The following SLC13A3 variants were observed in gnomAD, a reference collection of about 807,000 sequenced individuals.
SLC13A3 encodes the protein Na(+)/dicarboxylate cotransporter 3.
A neutral mutation model predicts 59.0 loss-of-function variants in SLC13A3; 40 were observed. The observed-to-expected ratio is 0.68, with a 90% confidence interval of 0.53 to 0.88. The LOEUF is 0.88. Among genes scored for constraint, SLC13A3 ranks in the 40% least tolerant of loss-of-function variants. The pLI, the probability that SLC13A3 is intolerant of heterozygous loss-of-function variation, is 0.00. For missense variants in SLC13A3, 699 were observed against 783.2 expected, an observed-to-expected ratio of 0.89 and a Z score of 1.28; for synonymous variants, 317 against 330.3, an observed-to-expected ratio of 0.96 and a Z score of 0.44.
intron 1 of SLC13A3, among the ~76,000 whole-genome samples, chr20:46,615,385 G>T (rs912976029): frequency 6.6e-6 from 1 of 152,098 alleles, no homozygotes; most frequent in Non-Finnish European, 1.5e-5. Context: ...CAGGTATCAG[G>T]TTACGTGGGG....
At chr20:46,632,968 T>TATCC (rs2062759950) in intron 1 of SLC13A3, among the ~76,000 whole-genome samples, 3 of 152,106 alleles carry the variant, frequency 2.0e-5, no homozygotes, top group African/African-American at 7.2e-5. Flanking sequence ...TCTATCTATC[T>TATCC]GTTTATGTAT....
intron 1 of SLC13A3, among the ~76,000 whole-genome samples, chr20:46,663,695 C>G (rs975569935): frequency 6.6e-6 from 1 of 152,040 alleles, no homozygotes; most frequent in Non-Finnish European, 1.5e-5. Context: ...CTATTATATT[C>G]CCATTTTGCA....
At chr20:46,632,202 G>A (rs369193418) in intron 1 of SLC13A3, among the ~76,000 whole-genome samples, 1 of 152,160 alleles carries the variant, frequency 6.6e-6, no homozygotes, top group African/African-American at 2.4e-5. Flanking sequence ...CCAGGGCTGG[G>A]GCTATGAAGT....
chr20:46,557,834 A>G lies in SLC13A3; in HGVS notation c.*2188T>C, dbSNP rs1482150592. On this transcript the variant is annotated 3_prime_UTR_variant, in exon 13 of 13. Transcript: ENST00000279027. ...TGAACCAGAACATGACAGGTTCCCA[A>G]TAAATGTTTATTGAATGAATAAATG... 1 of 152,200 alleles carries G rather than the reference A, an allele frequency of 6.6e-6. No individual in the cohort carries two copies. Among genetic ancestry groups the G allele is most frequent in the African/African-American group, 2.4e-5 (1 of 41,444 alleles). The allele number at this position is 152,200 out of a possible 1,614,324, so 9.4% of individuals were successfully genotyped here.
chr20:46,617,019 G>A (rs1277202039), intron 1 of SLC13A3, among the ~76,000 whole-genome samples: 9 of 152,160 alleles, frequency 5.9e-5, no homozygotes, highest in East Asian at 3.9e-4. Context: ...TTATGTAACC[G>A]GTTACCACCT....
intron 1 of SLC13A3, among the ~76,000 whole-genome samples, chr20:46,650,048 G>A (rs1300994982): frequency 6.6e-6 from 1 of 152,156 alleles, no homozygotes; most frequent in Non-Finnish European, 1.5e-5. Context: ...AGATGGTGAA[G>A]CAACTTCCTG....
intron 6 of SLC13A3, among the ~76,000 whole-genome samples, chr20:46,590,414 A>G (rs2062241743): frequency 6.6e-6 from 1 of 152,208 alleles, no homozygotes; most frequent in African/African-American, 2.4e-5. Flanking sequence ...TGTAGCTTCT[A>G]TTGTAGAATA....
At position 46,580,789 on chromosome 20, in the gene SLC13A3, A is replaced by G. The variant is rs6124819; in HGVS notation, c.1219+2783T>C. Among the ~76,000 whole-genome samples, 3,279 of 152,204 alleles carry G rather than the reference A, an allele frequency of 0.022. 234 individuals are homozygous for G. The East Asian group carries it at 0.25, about 11-fold the overall frequency. ...AACCAGACCAAATTGAGGACCAGCT[A>G]AAACAGGTCCTGGGCGGAAGCAGCT... On this transcript the variant is annotated intron_variant, in intron 9 of 12. Coordinates refer to ENST00000279027, the MANE Select transcript of SLC13A3 (RefSeq NM_022829.6).
upstream of SLC13A3, chr20:46,651,470 GCCCCGGCGCCGGCTTAAA>G: frequency 4.4e-6 from 6 of 1,369,116 alleles, no homozygotes; most frequent in Non-Finnish European, 5.6e-6. Context: ...GCCCCGCCTG[GCCCCGGCGCCGGCTTAAA>G]GCCTGGGGGA....
chr20:46,645,469 T>C (rs1204449779), intron 1 of SLC13A3, among the ~76,000 whole-genome samples: 1 of 152,144 alleles, frequency 6.6e-6, no homozygotes, highest in African/African-American at 2.4e-5. Flanking sequence ...GATGAGGAAA[T>C]TGAGGAGCTG....
At chr20:46,611,516 C>T (rs1038719729) in intron 2 of SLC13A3, among the ~76,000 whole-genome samples, 13 of 152,130 alleles carry the variant, frequency 8.5e-5, no homozygotes, top group Admixed American at 2.0e-4. Flanking sequence ...CAGGAGGAGG[C>T]GCAGCTACAG....
chr20:46,592,672 C>T, intron 5 of SLC13A3, 143 bp from the exon 6 acceptor site: 1 of 827,304 alleles, frequency 1.2e-6, no homozygotes. Flanking sequence ...TGTTTTCCAC[C>T]AATTCTAATA....
At chr20:46,610,167 T>G (rs1188386179) in intron 3 of SLC13A3, among the ~76,000 whole-genome samples, 1 of 152,246 alleles carries the variant, frequency 6.6e-6, no homozygotes, top group Non-Finnish European at 1.5e-5. Context: ...TAGTACTTAC[T>G]TCATAGAGCT....
At chr20:46,620,077 T>C (rs4810535) in intron 1 of SLC13A3, among the ~76,000 whole-genome samples, 53,105 of 152,136 alleles carry the variant, frequency 0.35, 9,352 homozygotes, top group South Asian at 0.42. Context: ...ACTTAATGTG[T>C]GTGCTTTCAT....
chr20:46,592,484 A>T lies in SLC13A3; in HGVS notation c.840T>A (p.Ile280=), dbSNP rs2122681728. Residue 280 remains isoleucine, a synonymous_variant, in exon 6 of 13, where the codon ATT becomes ATA. Transcript: ENST00000279027. Reference sequence around the variant, plus strand: ...ACAACAGCATAAGAGGGAAGGCGAAAATGAACCAGGAGCCGAAATTCACCA... The same window carrying T: ...ACAACAGCATAAGAGGGAAGGCGAATATGAACCAGGAGCCGAAATTCACCA... ...CDVVNFGSWF[I]FAFPLMLLFL... is the part of the protein sequence containing the mutation. 1 of 1,613,966 alleles carries T rather than the reference A, an allele frequency of 6.2e-7. No individual in the cohort carries two copies. Among genetic ancestry groups the T allele is most frequent in the East Asian group, 2.2e-5 (1 of 44,872 alleles).
At chr20:46,636,391 A>G (rs545686268) in intron 1 of SLC13A3, among the ~76,000 whole-genome samples, 50 of 152,312 alleles carry the variant, frequency 3.3e-4, no homozygotes, top group African/African-American at 1.2e-3. Flanking sequence ...AAGGTACTCA[A>G]TTGAAATTTT....
At chr20:46,646,494 C>T (rs2062895846) in intron 1 of SLC13A3, among the ~76,000 whole-genome samples, 1 of 152,162 alleles carries the variant, frequency 6.6e-6, no homozygotes, top group African/African-American at 2.4e-5. Context: ...CTCTGGACAC[C>T]TCCTGTATCT....
intron 1 of SLC13A3, among the ~76,000 whole-genome samples, chr20:46,631,476 C>G (rs537708891): frequency 1.3e-5 from 2 of 152,238 alleles, no homozygotes; most frequent in South Asian, 4.1e-4. Flanking sequence ...CCATTGTGCC[C>G]TGGGCTTTAT....
In SLC13A3 at chr20:46,610,515, T is replaced by A; in HGVS notation, c.472A>T (p.Ile158Phe). 1 of 1,614,140 alleles carries A rather than the reference T, an allele frequency of 6.2e-7. No homozygotes were observed. Among genetic ancestry groups the A allele is most frequent in the Non-Finnish European group, 8.5e-7 (1 of 1,180,024 alleles). Reference sequence around the variant, plus strand: ...TTCTGGCCAAAGAGACTTTTCAGGATGGCATTGGCAATGGGAAGCATCATG... The same window carrying A: ...TTCTGGCCAAAGAGACTTTTCAGGAAGGCATTGGCAATGGGAAGCATCATG... ...TAMMLPIANA[I>F]LKSLFGQKEV... is the part of the protein sequence containing the mutation. Residue 158 changes from isoleucine to phenylalanine, a missense_variant, in exon 3 of 13, where the codon ATC becomes TTC. Ile to Phe is a conservative substitution (Grantham distance 21, BLOSUM62 0). Transcript: ENST00000279027.
Sources: allele counts gnomAD v4.1 joint callset (sites outside exome capture counted in the v4.1 genomes callset), GRCh38; gene constraint gnomAD v4.1.1; transcripts MANE v1.5; gene names NCBI Gene and HGNC (gene_info 2026-07-23, HGNC 2026-07-21).